Variants in NR4A3 observed in about 807,000 individuals in gnomAD.
The protein encoded by NR4A3 is chondrosarcoma, extraskeletal myxoid, fused to EWS.
Under a neutral mutation model 55.6 loss-of-function variants are expected in NR4A3, and 13 were observed. The observed-to-expected ratio is 0.23, with a 90% CI of 0.15 to 0.37. The LOEUF is 0.37. NR4A3 is among the 10% of genes least tolerant of loss of function. NR4A3 has a pLI of 1.00. For missense variants in NR4A3, 646 were observed against 822.8 expected, an observed-to-expected ratio of 0.79 and a Z score of 2.63; for synonymous variants, 342 against 357.9, an observed-to-expected ratio of 0.96 and a Z score of 0.50.
chr9:99,853,432 T>C (rs1255309514), intron 7 of NR4A3, among the ~76,000 whole-genome samples: 1 of 114,736 alleles, frequency 8.7e-6, no homozygotes, highest in Non-Finnish European at 1.8e-5. Context: ...CACCCACTAA[T>C]GTGTCATCTA....
rs141775492 is a variant in NR4A3, at chr9:99,828,411, G to C, written c.369G>C (p.Pro123=). The part of the protein sequence containing the change: ...QQPSIPPASS[P]EDEVLPSTSM... ...CATCCATTCCTCCAGCCTCCAGCCC[G>C]GAGGACGAGGTGCTGCCCAGCACCT... The change falls in exon 3 of 8, where the codon CCG becomes CCC. Residue 123 remains proline, a synonymous_variant. Transcript: ENST00000395097. The surrounding 1 kb of genome is among the most constrained non-coding windows in gnomAD (Gnocchi z 7.7). 9 of 1,585,922 alleles carry C rather than the reference G, an allele frequency of 5.7e-6. No individual in the cohort carries two copies. Among genetic ancestry groups the C allele is most frequent in the Non-Finnish European group, 7.7e-6 (9 of 1,165,702 alleles).
intron 5 of NR4A3, among the ~76,000 whole-genome samples, chr9:99,837,779 C>T (rs527769550): frequency 6.6e-6 from 1 of 152,188 alleles, no homozygotes; most frequent in African/African-American, 2.4e-5. Flanking sequence ...TGCTAGCTTC[C>T]CCCAGTGAGT....
chr9:99,838,285 C>G (rs892069785), intron 5 of NR4A3, among the ~76,000 whole-genome samples: 7 of 152,146 alleles, frequency 4.6e-5, no homozygotes, highest in Non-Finnish European at 1.0e-4. Context: ...GTAATCAGTG[C>G]CACTTAACGG....
intron 2 of NR4A3, among the ~76,000 whole-genome samples, 198 bp from the exon 3 acceptor site, chr9:99,827,843 C>G (rs992970803): frequency 3.9e-5 from 6 of 152,108 alleles, no homozygotes. Context: ...TTTTGGCACC[C>G]CTTTGTCAGG....
At chr9:99,826,726 A>G in intron 2 of NR4A3, 2 of 1,598,312 alleles carry the variant, frequency 1.3e-6, no homozygotes. Context: ...GCTTCTTCCA[A>G]CAGGCCCTCA....
At position 99,828,447 on chromosome 9, in the gene NR4A3, C is replaced by G; in HGVS notation, c.405C>G (p.Phe135Leu). 6.3e-7 allele frequency: 1 copy of G among 1,580,608 alleles called. No individual in the cohort carries two copies. Among genetic ancestry groups the G allele is most frequent in the Non-Finnish European group, 8.6e-7 (1 of 1,163,398 alleles). Reference protein sequence around the residue: ...DEVLPSTSMYFKQSPPSTPTT... With the variant: ...DEVLPSTSMYLKQSPPSTPTT... ...TGCTGCCCAGCACCTCCATGTACTT[C>G]AAGCAGTCCCCACCGTCCACCCCCA... Residue 135 changes from phenylalanine (F) to leucine (L), a missense_variant, in exon 3 of 8, where the codon TTC becomes TTG. By Grantham distance (22) the Phe-to-Leu change is conservative. This residue lies in a region of NR4A3 where 426 missense variants were observed against 429.4 expected (regional missense o/e 0.99). Coordinates refer to ENST00000395097, the MANE Select transcript of NR4A3 (RefSeq NM_006981.4). This position sits in a 1 kb window ranked among gnomAD's most constrained non-coding sequence, Gnocchi z 7.7.
chr9:99,848,771 G>C (rs373369153), intron 7 of NR4A3, among the ~76,000 whole-genome samples: 1 of 152,216 alleles, frequency 6.6e-6, no homozygotes, highest in East Asian at 1.9e-4. Flanking sequence ...GGAGAAAGGC[G>C]CGTGTTGGGC....
At chr9:99,849,921 G>A (rs572315087) in intron 7 of NR4A3, among the ~76,000 whole-genome samples, 2 of 152,354 alleles carry the variant, frequency 1.3e-5, no homozygotes, top group East Asian at 1.9e-4. Context: ...GAGACAGCAG[G>A]TGGGGGTGGT....
chr9:99,829,582 C>G (rs1197626759), intron 3 of NR4A3, among the ~76,000 whole-genome samples: 1 of 152,204 alleles, frequency 6.6e-6, no homozygotes, highest in African/African-American at 2.4e-5. Flanking sequence ...GAGATGGAGG[C>G]AGGATGCCAA....
intron 7 of NR4A3, among the ~76,000 whole-genome samples, chr9:99,856,027 G>A (rs1485157662): frequency 2.0e-5 from 3 of 152,078 alleles, no homozygotes; most frequent in African/African-American, 7.2e-5. Flanking sequence ...TATAGCAGCG[G>A]TCCCCAGCAT....
chr9:99,830,064 T>C (rs1013467589), intron 3 of NR4A3, among the ~76,000 whole-genome samples: 4 of 152,234 alleles, frequency 2.6e-5, no homozygotes, highest in African/African-American at 9.6e-5. Flanking sequence ...TCCTTCTCAC[T>C]CCTCACCCCA....
chr9:99,838,739 C>G (rs996972623), intron 5 of NR4A3, among the ~76,000 whole-genome samples: 1 of 152,162 alleles, frequency 6.6e-6, no homozygotes, highest in African/African-American at 2.4e-5. Context: ...TGCAGATTCC[C>G]AGGCCATACC....
rs1198243318 is a variant in NR4A3, at chr9:99,821,901, G to A, written c.-683G>A. On this transcript the variant is annotated 5_prime_UTR_variant, in exon 1 of 8. Transcript: ENST00000395097. ...CGAGCGAACGCGCAGCCGGGAGAGCGGAGTCTCCTGCCTCCCGCCCCCCAC... is the reference window on the plus strand; with the variant it reads ...CGAGCGAACGCGCAGCCGGGAGAGCAGAGTCTCCTGCCTCCCGCCCCCCAC... 2 of 152,590 alleles carry A rather than the reference G, an allele frequency of 1.3e-5. No homozygotes were observed. Among genetic ancestry groups the A allele is most frequent in the Admixed American group, 6.5e-5 (1 of 15,274 alleles). The allele number at this position is 152,590 out of a possible 1,614,324, so 9.5% of individuals were successfully genotyped here. A position where few individuals can be genotyped will look rare whatever the true frequency, so the allele number is the denominator to read the frequency against.
At position 99,833,766 on chromosome 9, in the gene NR4A3, C is replaced by T. The variant is rs573275942; in HGVS notation, c.1254+312C>T. On this transcript the variant is annotated intron_variant, in intron 5 of 7. Coordinates refer to ENST00000395097, the MANE Select transcript of NR4A3 (RefSeq NM_006981.4). ...GACAAACTACAATTTGTAGATTTAT[C>T]TCGTGATCTAGACAAAGTGACTACT... 7 of 1,386,284 alleles carry T rather than the reference C, an allele frequency of 5.0e-6. No homozygotes were observed. The South Asian group carries it at 9.9e-5, about 20-fold the overall frequency. The allele number at this position is 1,386,284 out of a possible 1,614,324, so 85.9% of individuals were successfully genotyped here. A position where few individuals can be genotyped will look rare whatever the true frequency, so the allele number is the denominator to read the frequency against.
intron 7 of NR4A3, among the ~76,000 whole-genome samples, chr9:99,860,438 T>C (rs1564040429): frequency 6.6e-6 from 1 of 152,220 alleles, no homozygotes; most frequent in East Asian, 1.9e-4. Flanking sequence ...CTGTTAAATG[T>C]TTCCTTTGGA....
intron 5 of NR4A3, chr9:99,833,672 G>A (rs1827492329): frequency 6.3e-7 from 1 of 1,579,862 alleles, no homozygotes; most frequent in Non-Finnish European, 8.6e-7. Flanking sequence ...AAGTGACCCT[G>A]ACAGTGCTGC....
intron 5 of NR4A3, among the ~76,000 whole-genome samples, chr9:99,837,068 G>C (rs1587877973): frequency 1.3e-5 from 2 of 151,978 alleles, no homozygotes; most frequent in East Asian, 3.9e-4. Context: ...TTCTGCTATT[G>C]AGTTGAATTC....
intron 5 of NR4A3, among the ~76,000 whole-genome samples, chr9:99,843,974 G>A (rs1587881402): frequency 6.6e-6 from 1 of 151,802 alleles, no homozygotes; most frequent in African/African-American, 2.4e-5. Flanking sequence ...GGCTGGTCTC[G>A]AACTCCTGAC....
chr9:99,836,309 G>C (rs1827559809), intron 5 of NR4A3, among the ~76,000 whole-genome samples: 1 of 152,192 alleles, frequency 6.6e-6, no homozygotes, highest in African/African-American at 2.4e-5. Flanking sequence ...TGGCAAAGTG[G>C]TTCATGTTAA....
Sources: allele counts gnomAD v4.1 joint callset (sites outside exome capture counted in the v4.1 genomes callset), GRCh38; gene constraint gnomAD v4.1.1; regional missense constraint gnomAD v4.1.1; non-coding constraint Gnocchi (gnomAD v3.1); transcripts MANE v1.5; gene names NCBI Gene and HGNC (gene_info 2026-07-23, HGNC 2026-07-21).